Variants in MMP24 observed in about 807,000 individuals in gnomAD.
MMP24 encodes matrix metalloproteinase-24.
In MMP24, 25 loss-of-function variants were observed where a neutral mutation model predicts 62.8. The ratio of observed to expected loss-of-function variants is 0.40; its 90% CI spans 0.29 to 0.56. The LOEUF is 0.56. Among genes scored for constraint, MMP24 ranks in the 20% least tolerant of loss-of-function variants. The pLI is 0.50. For missense variants in MMP24, 634 were observed against 853.6 expected (o/e 0.74, Z 3.21); for synonymous variants, 319 against 350.5 (o/e 0.91, Z 1.00).
At chr20:35,265,447 A>G (rs1244747054) in intron 5 of MMP24, among the ~76,000 whole-genome samples, 5 of 152,180 alleles carry the variant, frequency 3.3e-5, no homozygotes, top group Admixed American at 3.3e-4. Flanking sequence ...GTCTCAAAAA[A>G]AAAAAAAATC....
At chr20:35,267,491 G>C (rs1015834621) in intron 6 of MMP24, 72 bp downstream of exon 6, 17 of 1,431,930 alleles carry the variant, frequency 1.2e-5, no homozygotes, top group Non-Finnish European at 1.5e-5. Flanking sequence ...TCATGGAGCT[G>C]GGGAAGGCTC....
At chr20:35,230,673 T>C (rs903804363) in intron 1 of MMP24, among the ~76,000 whole-genome samples, 2 of 152,154 alleles carry the variant, frequency 1.3e-5, no homozygotes, top group African/African-American at 4.8e-5. Flanking sequence ...GTGGCATCAA[T>C]AGAAAGAAAT....
rs1009161312 is a variant in MMP24 at position 35,265,908 on chromosome 20, C to T, written c.980-1297C>T. On this transcript the variant is annotated intron_variant, in intron 5 of 8. Transcript: ENST00000246186. ...AACACTCTACTGGACAGCTCTGATG[C>T]AGGTCTGTAAAGCCATGAGCCTGGA... Among the ~76,000 whole-genome samples, 6 of 152,088 alleles carry T rather than the reference C, an allele frequency of 3.9e-5. No individual in the cohort carries two copies. In the South Asian group the frequency reaches 1.2e-3, roughly 32 times the overall value.
intron 4 of MMP24, among the ~76,000 whole-genome samples, chr20:35,258,907 G>A (rs1023502013): frequency 6.6e-5 from 10 of 152,130 alleles, no homozygotes; most frequent in Non-Finnish European, 1.3e-4. Context: ...GGCCAGGTGC[G>A]ATGGGAGCAC....
chr20:35,268,982 G>A (rs2060652324), intron 6 of MMP24, among the ~76,000 whole-genome samples: 2 of 147,698 alleles, frequency 1.4e-5, no homozygotes, highest in African/African-American at 5.0e-5. Flanking sequence ...AGCCGAGATT[G>A]CGCCACTGCA....
chr20:35,251,644 G>C (rs2060547692), intron 2 of MMP24, among the ~76,000 whole-genome samples: 1 of 152,206 alleles, frequency 6.6e-6, no homozygotes, highest in African/African-American at 2.4e-5. Flanking sequence ...TATGACTAGT[G>C]GTGGAGCTGG....
Position 35,267,342 on chromosome 20 carries a change from C to G in MMP24, c.1117C>G (p.Pro373Ala). The change falls in exon 6 of 9, where the codon CCA becomes GCA. Residue 373 changes from proline to alanine, a missense_variant. Physicochemically the swap from Pro to Ala is conservative, Grantham distance 27. Around this residue, in one of 3 missense-constraint regions of MMP24, gnomAD observed 399 missense variants for 530.8 expected, o/e 0.75. Transcript: ENST00000246186. Reference sequence around the variant, plus strand: ...GCCCCTCGGGGACCGGCCATCCACACCAGGCACCAAACCCAACATCTGTGA... The same window carrying G: ...GCCCCTCGGGGACCGGCCATCCACAGCAGGCACCAAACCCAACATCTGTGA... ...RPPLGDRPST[P>A]GTKPNICDGN... The G allele has an allele frequency of 6.3e-7, 1 of 1,585,224 alleles. No homozygotes were observed. The highest frequency in any genetic ancestry group is 8.6e-7 in the Non-Finnish European group (1 of 1,166,406).
chr20:35,233,289 G>A (rs1307130457), intron 1 of MMP24, among the ~76,000 whole-genome samples: 4 of 152,120 alleles, frequency 2.6e-5, no homozygotes, highest in African/African-American at 9.7e-5. Flanking sequence ...CATGCCTGTA[G>A]TTCCAGCTAC....
At chr20:35,245,653 T>G (rs753666366) in intron 1 of MMP24, among the ~76,000 whole-genome samples, 1 of 151,958 alleles carries the variant, frequency 6.6e-6, no homozygotes, top group African/African-American at 2.4e-5. Context: ...TTCATCATAT[T>G]GGCCAAGCTG....
chr20:35,259,425 C>T (rs1417129771), intron 4 of MMP24, among the ~76,000 whole-genome samples: 1 of 152,178 alleles, frequency 6.6e-6, no homozygotes, highest in Non-Finnish European at 1.5e-5. Flanking sequence ...CCTGGGGCAG[C>T]GAGCATGTGC....
intron 1 of MMP24, among the ~76,000 whole-genome samples, chr20:35,232,995 ACCC>A (rs1219617677): frequency 3.6e-4 from 55 of 151,870 alleles, no homozygotes; most frequent in African/African-American, 1.3e-3. Context: ...GGCTCAAGTG[ACCC>A]GCCCACCTTG....
intron 6 of MMP24, among the ~76,000 whole-genome samples, chr20:35,268,548 T>C (rs961147370): frequency 3.3e-5 from 5 of 152,224 alleles, no homozygotes; most frequent in African/African-American, 1.2e-4. Context: ...AACAGAGACA[T>C]GAAAGTCAAA....
chr20:35,244,651 G>T (rs2060505063), intron 1 of MMP24, among the ~76,000 whole-genome samples: 1 of 152,084 alleles, frequency 6.6e-6, no homozygotes, highest in Non-Finnish European at 1.5e-5. Context: ...TGTTGGTCAG[G>T]CTGGTCTCGA....
At chr20:35,266,981 A>C (rs2060638800) in intron 5 of MMP24, among the ~76,000 whole-genome samples, 1 of 151,922 alleles carries the variant, frequency 6.6e-6, no homozygotes, top group African/African-American at 2.4e-5. Flanking sequence ...GTAACAGGAG[A>C]GAGAAAAGAG....
intron 3 of MMP24, among the ~76,000 whole-genome samples, chr20:35,253,332 A>AAGG (rs1461527184): frequency 3.3e-4 from 46 of 140,568 alleles, no homozygotes; most frequent in African/African-American, 1.2e-3. Context: ...GGGTTGAACT[A>AAGG]AGGGCTCTTC....
At chr20:35,227,067 G>A in intron 1 of MMP24, 83 bp downstream of exon 1, 4 of 955,920 alleles carry the variant, frequency 4.2e-6, no homozygotes, top group Non-Finnish European at 5.0e-6. Flanking sequence ...GGCCTGGGCC[G>A]GGCCGCACCT....
At position 35,275,727 on chromosome 20, in the gene MMP24, G is replaced by T; in HGVS notation, c.*1118G>T. 3.3e-6 allele frequency: 1 copy of T among 300,212 alleles called. No homozygotes were observed. Among genetic ancestry groups the T allele is most frequent in the Non-Finnish European group, 6.1e-6 (1 of 163,920 alleles). 18.6% of individuals were successfully genotyped at this position (300,212 alleles called of 1,614,324 possible). A position where few individuals can be genotyped will look rare whatever the true frequency, so the allele number is the denominator to read the frequency against. On this transcript the variant is annotated 3_prime_UTR_variant, in exon 9 of 9. Transcript: ENST00000246186. ...CCCCACTACTCTGAGGCCGACTCCA[G>T]CTACTCTGAGGCCGACTCAATCTCT...
intron 2 of MMP24, among the ~76,000 whole-genome samples, chr20:35,247,444 A>G (rs1290294240): frequency 6.6e-6 from 1 of 152,160 alleles, no homozygotes; most frequent in Non-Finnish European, 1.5e-5. Context: ...CCGGCCCTCC[A>G]GAGGCTCACC....
In MMP24 at chr20:35,261,795, CTTT is replaced by C. The variant is rs11335936; in HGVS notation, c.818-1975_818-1973del. ...CTCCCTCCCTCCACCTCAGGGCATC[CTTT>C]TTTTTTTTTTTTTTTTTTTTGAGAT... On this transcript the variant is annotated intron_variant, in intron 4 of 8. Transcript: ENST00000246186. 5.8e-3 allele frequency among the ~76,000 whole-genome samples: 519 copies of C among 89,002 alleles called. 7 individuals are homozygous for C. The highest frequency in any genetic ancestry group is 0.026 in the African/African-American group (487 of 18,674). The allele number at this position is 89,002 out of a possible 152,430, so 58.4% of individuals were successfully genotyped here.
Sources: allele counts gnomAD v4.1 joint callset (sites outside exome capture counted in the v4.1 genomes callset), GRCh38; gene constraint gnomAD v4.1.1; regional missense constraint gnomAD v4.1.1; transcripts MANE v1.5; gene names NCBI Gene and HGNC (gene_info 2026-07-23, HGNC 2026-07-21).